PPFIA2: variants seen among roughly 807,000 people sequenced by gnomAD.
The protein encoded by PPFIA2 is liprin-alpha-2.
A neutral mutation model predicts 175.5 loss-of-function variants in PPFIA2; 46 were observed. That is an observed-to-expected ratio of 0.26 (90% CI 0.21 to 0.34). The LOEUF is 0.34. PPFIA2 is among the 10% of genes least tolerant of loss of function. PPFIA2 has a pLI of 1.00. For missense variants in PPFIA2, 1,179 were observed against 1,506.1 expected (o/e 0.78, Z 3.60); for synonymous variants, 568 against 511.4 (o/e 1.11, Z -1.49).
At chr12:81,372,301 A>G (rs2141592988) in intron 11 of PPFIA2, among the ~76,000 whole-genome samples, 1 of 151,724 alleles carries the variant, frequency 6.6e-6, no homozygotes, top group South Asian at 2.1e-4. Flanking sequence ...AGAAAAAAGA[A>G]GAAAAAAAGG....
At chr12:81,306,164 GT>G (rs1338356738) in intron 22 of PPFIA2, among the ~76,000 whole-genome samples, 1 of 151,808 alleles carries the variant, frequency 6.6e-6, no homozygotes, top group Non-Finnish European at 1.5e-5. Flanking sequence ...TGCTACCACA[GT>G]TTTTTTCTCA....
intron 6 of PPFIA2, among the ~76,000 whole-genome samples, chr12:81,443,811 C>A (rs1325308021): frequency 3.5e-5 from 5 of 143,294 alleles, no homozygotes; most frequent in African/African-American, 1.3e-4. Flanking sequence ...AACCCTTAAT[C>A]ATTCTTTAAT....
At chr12:81,633,292 G>C (rs899420045) in intron 4 of PPFIA2, among the ~76,000 whole-genome samples, 2 of 152,132 alleles carry the variant, frequency 1.3e-5, no homozygotes, top group African/African-American at 4.8e-5. Flanking sequence ...AGCCTGCAGA[G>C]AGGCTTAGGG....
At chr12:81,555,983 A>G (rs1240592714) in intron 4 of PPFIA2, among the ~76,000 whole-genome samples, 1 of 151,900 alleles carries the variant, frequency 6.6e-6, no homozygotes, top group Non-Finnish European at 1.5e-5. Context: ...CTCTAAATTA[A>G]GTGTTAGTTG....
At chr12:81,365,232 G>A (rs1221519660) in intron 14 of PPFIA2, among the ~76,000 whole-genome samples, 1 of 151,768 alleles carries the variant, frequency 6.6e-6, no homozygotes, top group Non-Finnish European at 1.5e-5. Context: ...AGCCTACAGA[G>A]GGTTTTGCTG....
At chr12:81,310,079 G>A (rs2139010750) in intron 22 of PPFIA2, among the ~76,000 whole-genome samples, 1 of 152,130 alleles carries the variant, frequency 6.6e-6, no homozygotes, top group South Asian at 2.1e-4. Context: ...AGATTAGATT[G>A]CTCTAGTGTT....
At chr12:81,702,513 T>A (rs1201684264) in intron 3 of PPFIA2, among the ~76,000 whole-genome samples, 1 of 152,148 alleles carries the variant, frequency 6.6e-6, no homozygotes, top group African/African-American at 2.4e-5. Context: ...GTCTACACTC[T>A]ATTTGTCAAA....
At chr12:81,633,960 T>G (rs1292684652) in intron 4 of PPFIA2, among the ~76,000 whole-genome samples, 1 of 152,114 alleles carries the variant, frequency 6.6e-6, no homozygotes, top group African/African-American at 2.4e-5. Context: ...GCTTTGGCAA[T>G]GCTTGGAGGT....
At position 81,267,948 on chromosome 12, in the gene PPFIA2, T is replaced by A; in HGVS notation, c.3450A>T (p.Leu1150Phe). The change falls in exon 29 of 33, where the codon TTA (leucine) becomes TTT (phenylalanine). Residue 1150 changes from leucine to phenylalanine, a missense_variant. Transcript: ENST00000549396. ...GTGTTGGAATCTGTAATAATAAAGC[T>A]AAGCTGCTGTAGTCAAAGTTTTCAT... ...ALDENFDYSS[L>F]ALLLQIPTQN... 1 of 1,597,972 alleles carries A rather than the reference T, an allele frequency of 6.3e-7. No individual in the cohort carries two copies.
chr12:81,694,768 G>T (rs2075695055), intron 3 of PPFIA2, among the ~76,000 whole-genome samples: 1 of 152,158 alleles, frequency 6.6e-6, no homozygotes, highest in Admixed American at 6.5e-5. Flanking sequence ...TGCAACCTGT[G>T]CCTGGAGAAG....
intron 4 of PPFIA2, among the ~76,000 whole-genome samples, chr12:81,563,640 G>T (rs537167669): frequency 6.6e-6 from 1 of 152,172 alleles, no homozygotes; most frequent in African/African-American, 2.4e-5. Context: ...ACAGACTACA[G>T]CTCACCAGAA....
chr12:81,362,187 C>CT (rs575395578), intron 15 of PPFIA2, among the ~76,000 whole-genome samples: 5,085 of 140,556 alleles, frequency 0.036, 185 homozygotes, highest in Admixed American at 0.12. Flanking sequence ...CTCTTTTCCT[C>CT]TTTTTTTTTT....
intron 4 of PPFIA2, among the ~76,000 whole-genome samples, chr12:81,666,581 A>G (rs181733047): frequency 1.3e-5 from 2 of 152,152 alleles, no homozygotes; most frequent in African/African-American, 4.8e-5. Context: ...TGGACACAGG[A>G]AGGGGAACAT....
In PPFIA2 at chr12:81,362,324, C is replaced by T. The variant is rs188912387; in HGVS notation, c.1637+369G>A. The stretch of plus-strand genomic sequence containing the variant: ...TGAACACATATAGAAAATTTTATGT[C>T]GAATTCAATTTCTGTATTGAACACA... On this transcript the variant is annotated intron_variant, in intron 15 of 32. Transcript: ENST00000549396. Among the ~76,000 whole-genome samples the T allele has an allele frequency of 5.2e-4, 78 of 151,056 alleles. 1 individual carries two copies. Among genetic ancestry groups the T allele is most frequent in the African/African-American group, 1.8e-3 (76 of 41,338 alleles).
At chr12:81,577,036 T>C (rs1237039099) in intron 4 of PPFIA2, among the ~76,000 whole-genome samples, 2 of 151,846 alleles carry the variant, frequency 1.3e-5, no homozygotes, top group Admixed American at 6.6e-5. Flanking sequence ...TAAATGTTTA[T>C]CTAATTTTGT....
intron 3 of PPFIA2, among the ~76,000 whole-genome samples, chr12:81,679,565 G>T (rs776876004): frequency 6.6e-6 from 1 of 151,892 alleles, no homozygotes; most frequent in Non-Finnish European, 1.5e-5. Context: ...GAAGAATGTA[G>T]AAGATGAATG....
intron 4 of PPFIA2, chr12:81,598,338 T>A: frequency 8.7e-7 from 1 of 1,150,372 alleles, no homozygotes; most frequent in South Asian, 2.3e-5. Context: ...TTGTGCAGAA[T>A]CTGGCAGTGC....
At chr12:81,496,442 A>T (rs2060034233) in intron 4 of PPFIA2, among the ~76,000 whole-genome samples, 1 of 152,176 alleles carries the variant, frequency 6.6e-6, no homozygotes, top group Admixed American at 6.6e-5. Flanking sequence ...TTGGGGTTAT[A>T]ATAGGAGAAA....
intron 9 of PPFIA2, among the ~76,000 whole-genome samples, chr12:81,380,703 C>T (rs1030171331): frequency 3.3e-5 from 5 of 152,224 alleles, no homozygotes; most frequent in East Asian, 1.9e-4. Flanking sequence ...ATTTCTCTTC[C>T]GTGCTGCCGA....
Sources: gnomAD v4.1 joint callset for allele counts (sites outside exome capture counted in the v4.1 genomes callset) on GRCh38, gnomAD v4.1.1 for gene constraint, MANE v1.5 for transcripts, NCBI Gene and HGNC (gene_info 2026-07-23, HGNC 2026-07-21) for gene names.